SLC41A2: variants seen among roughly 807,000 people sequenced by gnomAD.
SLC41A2 encodes SLC41A1-like 1.
A neutral mutation model predicts 58.3 loss-of-function variants in SLC41A2; 32 were observed. The observed-to-expected ratio is 0.55, with a 90% CI of 0.41 to 0.74. SLC41A2 has a LOEUF of 0.74. SLC41A2 is among the 30% of genes least tolerant of loss of function. The pLI is 0.00. For missense variants in SLC41A2, 514 were observed against 680.6 expected, an observed-to-expected ratio of 0.76 and a Z score of 2.72; for synonymous variants, 190 against 235.0, an observed-to-expected ratio of 0.81 and a Z score of 1.75.
chr12:104,828,817 T>G (rs904818778), intron 10 of SLC41A2, among the ~76,000 whole-genome samples: 1 of 151,738 alleles, frequency 6.6e-6, no homozygotes, highest in Non-Finnish European at 1.5e-5. Context: ...TACAAAGAAC[T>G]CTTATAACTC....
intron 8 of SLC41A2, among the ~76,000 whole-genome samples, chr12:104,853,933 T>TTTATTTTTTA: frequency 7.1e-6 from 1 of 141,084 alleles, no homozygotes; most frequent in African/African-American, 2.6e-5. Context: ...TTTTTTTTTT[T>TTTATTTTTTA]TTTTTTAGTA....
At chr12:104,862,760 G>A (rs1367487457) in intron 7 of SLC41A2, among the ~76,000 whole-genome samples, 1 of 151,984 alleles carries the variant, frequency 6.6e-6, no homozygotes, top group Non-Finnish European at 1.5e-5. Context: ...ATTAACTTAT[G>A]CATTACTTCA....
intron 8 of SLC41A2, among the ~76,000 whole-genome samples, chr12:104,857,232 T>C (rs1389716535): frequency 6.6e-6 from 1 of 152,180 alleles, no homozygotes; most frequent in Non-Finnish European, 1.5e-5. Context: ...TCTAAATCAA[T>C]GGTTCTCAAA....
At chr12:104,831,766 T>C (rs1366344217) in intron 10 of SLC41A2, among the ~76,000 whole-genome samples, 1 of 152,198 alleles carries the variant, frequency 6.6e-6, no homozygotes, top group Admixed American at 6.5e-5. Context: ...TGAATACTTA[T>C]TTATATCTAA....
chr12:104,939,075 T>C (rs80327227), intron 1 of SLC41A2, among the ~76,000 whole-genome samples: 5,830 of 152,344 alleles, frequency 0.038, 154 homozygotes, highest in East Asian at 0.11. Flanking sequence ...CATTTAGATT[T>C]ATGGAAAAGT....
At chr12:104,891,427 A>C in intron 4 of SLC41A2, among the ~76,000 whole-genome samples, 1 of 151,698 alleles carries the variant, frequency 6.6e-6, no homozygotes, top group Admixed American at 6.6e-5. Context: ...TACAACTCAT[A>C]TTACTTTGTA....
At chr12:104,908,446 GT>G (rs1362475179) in intron 3 of SLC41A2, among the ~76,000 whole-genome samples, 2 of 152,126 alleles carry the variant, frequency 1.3e-5, no homozygotes, top group Non-Finnish European at 2.9e-5. Flanking sequence ...CAGTTGTTCA[GT>G]TCCCATTTCT....
intron 6 of SLC41A2, among the ~76,000 whole-genome samples, chr12:104,883,787 T>C (rs967711831): frequency 6.6e-6 from 1 of 152,126 alleles, no homozygotes; most frequent in African/African-American, 2.4e-5. Flanking sequence ...GTTAGGCTAC[T>C]TGGGGGTCAG....
At chr12:104,856,044 A>G (rs1256800086) in intron 8 of SLC41A2, among the ~76,000 whole-genome samples, 2 of 152,230 alleles carry the variant, frequency 1.3e-5, no homozygotes, top group Admixed American at 6.5e-5. Context: ...ATCAAAATCA[A>G]TTGATGAGTT....
At chr12:104,901,386 T>C (rs2045552158) in intron 3 of SLC41A2, among the ~76,000 whole-genome samples, 1 of 152,102 alleles carries the variant, frequency 6.6e-6, no homozygotes, top group African/African-American at 2.4e-5. Flanking sequence ...TATAATTTCA[T>C]ATATACTATT....
chr12:104,901,198 T>C (rs1465184577), intron 3 of SLC41A2, among the ~76,000 whole-genome samples: 2 of 152,190 alleles, frequency 1.3e-5, no homozygotes, highest in East Asian at 3.8e-4. Flanking sequence ...TACAAACTTT[T>C]TTTTTTTCAA....
chr12:104,860,394 T>TAA (rs745857381), intron 8 of SLC41A2, among the ~76,000 whole-genome samples: 1 of 101,702 alleles, frequency 9.8e-6, no homozygotes, highest in Non-Finnish European at 2.1e-5. Context: ...GAACTTAAAC[T>TAA]AAAAAAAAAA....
At chr12:104,820,936 T>C (rs2047125) in intron 10 of SLC41A2, among the ~76,000 whole-genome samples, 95,476 of 150,910 alleles carry the variant, frequency 0.63, 30,361 homozygotes, top group African/African-American at 0.71. Context: ...TGAGCCACTG[T>C]GCCCCGCCTA....
At position 104,952,749 on chromosome 12, in the gene SLC41A2, G is replaced by T. The variant is rs906730542; in HGVS notation, c.-168+5339C>A. On this transcript the variant is annotated intron_variant, in intron 1 of 10. Transcript: ENST00000258538. ...ACTAATTTGCTTTCACAATCTACTAGTAGGTGCCTGCAGTTAAAGAAAAAA... is the reference window on the plus strand; with the variant it reads ...ACTAATTTGCTTTCACAATCTACTATTAGGTGCCTGCAGTTAAAGAAAAAA... Among the ~76,000 whole-genome samples, 6 of 152,040 alleles carry T rather than the reference G, an allele frequency of 3.9e-5. No individual in the cohort carries two copies. In the East Asian group the frequency reaches 1.2e-3, roughly 29 times the overall value.
In SLC41A2 at chr12:104,853,926, T is replaced by TTTTTTTTTTTTTTTA. The variant is rs2042918454; in HGVS notation, c.1255+7364_1255+7365insTAAAAAAAAAAAAAA. Among the ~76,000 whole-genome samples, 7 of 118,926 alleles carry TTTTTTTTTTTTTTTA rather than the reference T, an allele frequency of 5.9e-5. 1 individual carries two copies. The highest frequency in any genetic ancestry group is 1.8e-4 in the African/African-American group (6 of 32,574). The allele number at this position is 118,926 out of a possible 152,430, so 78.0% of individuals were successfully genotyped here. ...TGCCTGGCTGATTTTTTTTTTTTTTTTTTTTTTTTTTTTAGTAGAACTGAG... is the reference window on the plus strand; with the variant it reads ...TGCCTGGCTGATTTTTTTTTTTTTTTTTTTTTTTTTTTTTATTTTTTTTTTTTTAGTAGAACTGAG... On this transcript the variant is annotated intron_variant, in intron 8 of 10. Transcript: ENST00000258538.
At chr12:104,866,760 T>A (rs1183359968) in intron 6 of SLC41A2, among the ~76,000 whole-genome samples, 181 bp from the exon 7 acceptor site, 1 of 152,072 alleles carries the variant, frequency 6.6e-6, no homozygotes, top group Admixed American at 6.6e-5. Context: ...TATTAAACAA[T>A]GTAACTGAAA....
At chr12:104,880,211 TG>T (rs2135595371) in intron 6 of SLC41A2, among the ~76,000 whole-genome samples, 1 of 152,310 alleles carries the variant, frequency 6.6e-6, no homozygotes, top group Admixed American at 6.5e-5. Flanking sequence ...TAAGGAGATT[TG>T]GGGCAGATAA....
At chr12:104,871,350 T>C (rs1280265330) in intron 6 of SLC41A2, among the ~76,000 whole-genome samples, 2 of 152,200 alleles carry the variant, frequency 1.3e-5, no homozygotes, top group South Asian at 2.1e-4. Context: ...CATGTGAACA[T>C]ATATATATTC....
chr12:104,852,756 A>T (rs150968492), intron 8 of SLC41A2, among the ~76,000 whole-genome samples: 2 of 152,290 alleles, frequency 1.3e-5, no homozygotes, highest in Non-Finnish European at 2.9e-5. Context: ...GGCTAATTAA[A>T]GTTTTAACCT....
Sources: gnomAD v4.1 joint callset for allele counts (sites outside exome capture counted in the v4.1 genomes callset) on GRCh38, gnomAD v4.1.1 for gene constraint, MANE v1.5 for transcripts, NCBI Gene and HGNC (gene_info 2026-07-23, HGNC 2026-07-21) for gene names.